Variants in ATE1 observed in about 807,000 individuals in gnomAD.
ATE1 encodes arginyltransferase 1.
ATE1 carries 36 observed loss-of-function variants against 70.5 expected under a neutral mutation model. The observed-to-expected ratio is 0.51, with a 90% CI of 0.39 to 0.67. The LOEUF is 0.67. ATE1 is among the 30% of genes least tolerant of loss of function. The pLI is 0.00. For missense variants in ATE1, 593 were observed against 629.5 expected (o/e 0.94, Z 0.62); for synonymous variants, 232 against 219.3 (o/e 1.06, Z -0.51).
chr10:121,790,095 GAGCCAC>G, intron 11 of ATE1, 68 bp downstream of exon 11: 2 of 1,591,306 alleles, frequency 1.3e-6, no homozygotes, highest in Non-Finnish European at 1.7e-6. Flanking sequence ...ACCCTGTTAA[GAGCCAC>G]AGCCACACAC....
At chr10:121,798,841 G>A (rs545123781) in intron 10 of ATE1, among the ~76,000 whole-genome samples, 10 of 149,032 alleles carry the variant, frequency 6.7e-5, no homozygotes, top group African/African-American at 2.5e-4. Context: ...GGAGTTTGTA[G>A]TGAGCCAAGA....
At chr10:121,869,087 G>A (rs1366687452) in intron 8 of ATE1, among the ~76,000 whole-genome samples, 1 of 152,224 alleles carries the variant, frequency 6.6e-6, no homozygotes, top group Admixed American at 6.5e-5. Context: ...ACGTGGAGCT[G>A]AAGCCTAAGA....
intron 10 of ATE1, among the ~76,000 whole-genome samples, chr10:121,818,240 G>C (rs1947639338): frequency 9.2e-6 from 1 of 109,116 alleles, no homozygotes; most frequent in Admixed American, 1.4e-4. Context: ...CTGGGCAACA[G>C]AGCCAGACTC....
At chr10:121,907,604 C>G (rs1413991916) in intron 5 of ATE1, among the ~76,000 whole-genome samples, 1 of 151,992 alleles carries the variant, frequency 6.6e-6, no homozygotes, top group Non-Finnish European at 1.5e-5. Context: ...GAAACCCCAT[C>G]TCTACTAAAA....
intron 11 of ATE1, among the ~76,000 whole-genome samples, chr10:121,776,202 T>G (rs988591828): frequency 1.3e-5 from 2 of 152,192 alleles, no homozygotes; most frequent in Non-Finnish European, 2.9e-5. Flanking sequence ...TCCAGTTAAT[T>G]TGAAATGTAC....
chr10:121,847,402 C>G (rs563100351), intron 8 of ATE1, among the ~76,000 whole-genome samples: 1 of 151,784 alleles, frequency 6.6e-6, no homozygotes, highest in Non-Finnish European at 1.5e-5. Context: ...GAGCTGAGAT[C>G]GCGCCACTGC....
intron 11 of ATE1, among the ~76,000 whole-genome samples, chr10:121,757,596 G>A (rs1944860803): frequency 6.6e-6 from 1 of 152,218 alleles, no homozygotes; most frequent in Non-Finnish European, 1.5e-5. Flanking sequence ...GGAGGAGCAA[G>A]TCACATCTTA....
intron 11 of ATE1, among the ~76,000 whole-genome samples, chr10:121,776,735 C>G (rs529608547): frequency 6.6e-6 from 1 of 152,212 alleles, no homozygotes; most frequent in Non-Finnish European, 1.5e-5. Flanking sequence ...TAAGTGTGCA[C>G]GCATGCACGC....
intron 10 of ATE1, among the ~76,000 whole-genome samples, chr10:121,831,165 A>C (rs1185915506): frequency 6.6e-6 from 1 of 152,212 alleles, no homozygotes; most frequent in Non-Finnish European, 1.5e-5. Context: ...TCTTTAGCCT[A>C]TAGTGAATAC....
chr10:121,780,936 G>C (rs1448527264), intron 11 of ATE1, among the ~76,000 whole-genome samples: 2 of 152,192 alleles, frequency 1.3e-5, no homozygotes, highest in Non-Finnish European at 2.9e-5. Flanking sequence ...CCTGAGGACT[G>C]GCACCTCCCA....
intron 2 of ATE1, among the ~76,000 whole-genome samples, chr10:121,923,519 A>C (rs1951964395): frequency 6.6e-6 from 1 of 152,194 alleles, no homozygotes; most frequent in Admixed American, 6.5e-5. Context: ...ATGGCATGTG[A>C]AGTCCTTTAA....
At chr10:121,780,635 T>C (rs1468234441) in intron 11 of ATE1, among the ~76,000 whole-genome samples, 3 of 152,200 alleles carry the variant, frequency 2.0e-5, no homozygotes, top group Admixed American at 2.0e-4. Context: ...TTACAAACCC[T>C]TTACTAGCCA....
chr10:121,928,054 G>C (rs1952179281), upstream of ATE1: 1 of 1,218,168 alleles, frequency 8.2e-7, no homozygotes, highest in Non-Finnish European at 1.0e-6. Flanking sequence ...CCCGAGGCTC[G>C]CGCGAAGCCA....
At chr10:121,894,492 G>A (rs1304300667) in intron 7 of ATE1, among the ~76,000 whole-genome samples, 1 of 152,080 alleles carries the variant, frequency 6.6e-6, no homozygotes, top group African/African-American at 2.4e-5. Context: ...ATGTTCCTAG[G>A]GATATAGATA....
At chr10:121,794,809 T>C (rs980702699) in intron 10 of ATE1, among the ~76,000 whole-genome samples, 20 of 151,612 alleles carry the variant, frequency 1.3e-4, no homozygotes, top group African/African-American at 3.9e-4. Flanking sequence ...AGGGTGGAGA[T>C]GGGGGTGATC....
At chr10:121,796,520 T>C (rs1341398754) in intron 10 of ATE1, among the ~76,000 whole-genome samples, 1 of 152,158 alleles carries the variant, frequency 6.6e-6, no homozygotes, top group Non-Finnish European at 1.5e-5. Context: ...AAACTACCTA[T>C]GCACGTCTAT....
At chr10:121,782,418 GC>G (rs1946032624) in intron 11 of ATE1, 1 of 152,138 alleles carries the variant, frequency 6.6e-6, no homozygotes, top group Non-Finnish European at 1.5e-5. Context: ...CCCATCTTTT[GC>G]CCCCTTCTAT....
At chr10:121,868,498 A>C (rs1454033493) in intron 8 of ATE1, among the ~76,000 whole-genome samples, 1 of 152,160 alleles carries the variant, frequency 6.6e-6, no homozygotes, top group African/African-American at 2.4e-5. Flanking sequence ...TATAAAACTT[A>C]TATTGTCTTC....
chr10:121,775,123 A>C (rs7071497), intron 11 of ATE1, among the ~76,000 whole-genome samples: 122,684 of 152,040 alleles, frequency 0.81, 50,005 homozygotes, highest in Non-Finnish European at 0.88. Flanking sequence ...GATAAACAAT[A>C]TTGTATAATA....
Sources: allele counts gnomAD v4.1 joint callset (sites outside exome capture counted in the v4.1 genomes callset), GRCh38; gene constraint gnomAD v4.1.1; transcripts MANE v1.5; gene names NCBI Gene and HGNC (gene_info 2026-07-23, HGNC 2026-07-21).